The following QTMAN variants were observed in gnomAD, a reference collection of about 807,000 sequenced individuals.
The protein encoded by QTMAN is queuosine-tRNA mannosyltransferase.
the QTMAN span, chr2:143,951,863 A>G: frequency 1.7e-6 from 1 of 599,602 alleles, no homozygotes; most frequent in Admixed American, 3.0e-5. Flanking sequence ...AACAACTAAT[A>G]TCCCTCCCTA....
At chr2:144,100,947 G>A in the QTMAN span, among the ~76,000 whole-genome samples, 2 of 130,906 alleles carry the variant, frequency 1.5e-5, no homozygotes, top group African/African-American at 3.0e-5. Context: ...TCAGCTCACT[G>A]CAAGCTCCGC....
the QTMAN span, among the ~76,000 whole-genome samples, chr2:143,973,421 A>G: frequency 6.6e-6 from 1 of 152,216 alleles, no homozygotes; most frequent in Non-Finnish European, 1.5e-5. Context: ...TAAATATACA[A>G]GTTTATTTCA....
At chr2:144,141,779 T>C in the QTMAN span, 1 of 806,054 alleles carries the variant, frequency 1.2e-6, no homozygotes, top group Admixed American at 2.3e-5. Context: ...TAACTAACCA[T>C]ACTTATGCTA....
At chr2:144,104,175 C>A in the QTMAN span, among the ~76,000 whole-genome samples, 1 of 152,082 alleles carries the variant, frequency 6.6e-6, no homozygotes, top group African/African-American at 2.4e-5. Context: ...CAGCTCCCAG[C>A]GTGAGCAATG....
the QTMAN span, among the ~76,000 whole-genome samples, chr2:144,266,264 T>C: frequency 6.6e-6 from 1 of 152,134 alleles, no homozygotes; most frequent in African/African-American, 2.4e-5. Flanking sequence ...AGTAGCAAAA[T>C]GAAGAAATAG....
chr2:144,297,646 T>C, the QTMAN span, among the ~76,000 whole-genome samples: 3 of 145,642 alleles, frequency 2.1e-5, no homozygotes, highest in South Asian at 4.6e-4. Flanking sequence ...AGTGGCGCAA[T>C]CTTGGCTCAC....
the QTMAN span, among the ~76,000 whole-genome samples, chr2:144,063,759 C>A: frequency 6.6e-6 from 1 of 152,132 alleles, no homozygotes; most frequent in Admixed American, 6.5e-5. Context: ...CACTCCCTAA[C>A]AACAAAATTC....
the QTMAN span, among the ~76,000 whole-genome samples, chr2:144,198,120 G>T: frequency 1.2e-4 from 19 of 152,166 alleles, no homozygotes; most frequent in East Asian, 3.3e-3. Flanking sequence ...TAGCTAGTAC[G>T]GGAGGCTGAG....
the QTMAN span, among the ~76,000 whole-genome samples, chr2:144,196,576 A>G: frequency 6.6e-6 from 1 of 152,192 alleles, no homozygotes; most frequent in Admixed American, 6.6e-5. Context: ...TGCTGACTCA[A>G]GTGAACATTG....
the QTMAN span, among the ~76,000 whole-genome samples, chr2:144,064,982 C>G: frequency 6.6e-6 from 1 of 152,130 alleles, no homozygotes. Context: ...AGGGCCAACA[C>G]ATGAAATGAC....
the QTMAN span, among the ~76,000 whole-genome samples, chr2:144,135,331 A>G: frequency 6.6e-6 from 1 of 152,160 alleles, no homozygotes; most frequent in Non-Finnish European, 1.5e-5. Flanking sequence ...GCACTGCCCT[A>G]TAAGACATGT....
chr2:144,240,266 G>A, the QTMAN span, among the ~76,000 whole-genome samples: 1 of 152,070 alleles, frequency 6.6e-6, no homozygotes, highest in South Asian at 2.1e-4. Context: ...ATTTGCATAG[G>A]GATTTATAAT....
the QTMAN span, among the ~76,000 whole-genome samples, chr2:144,224,962 A>AT: frequency 6.6e-6 from 1 of 152,214 alleles, no homozygotes; most frequent in African/African-American, 2.4e-5. Context: ...AAGTTATACG[A>AT]ATAGTTCAAG....
chr2:144,005,225 T>C, the QTMAN span, among the ~76,000 whole-genome samples: 1 of 152,092 alleles, frequency 6.6e-6, no homozygotes, highest in East Asian at 1.9e-4. Context: ...GATATATCTA[T>C]ATGAGCATAA....
At chr2:143,958,554 A>C in the QTMAN span, among the ~76,000 whole-genome samples, 2 of 152,192 alleles carry the variant, frequency 1.3e-5, no homozygotes, top group African/African-American at 4.8e-5. Flanking sequence ...CTATAGTGTA[A>C]AAGCAGCAAT....
chr2:144,170,415 T>C, the QTMAN span, among the ~76,000 whole-genome samples: 3 of 152,122 alleles, frequency 2.0e-5, no homozygotes, highest in Non-Finnish European at 4.4e-5. Context: ...CCCCTTGGTC[T>C]CCAAGGCCCA....
At chr2:143,958,624 G>A in the QTMAN span, among the ~76,000 whole-genome samples, 1 of 152,010 alleles carries the variant, frequency 6.6e-6, no homozygotes, top group Non-Finnish European at 1.5e-5. Context: ...AGAACCTAAA[G>A]AGTACTGTCA....
At chr2:144,175,785 C>T in the QTMAN span, among the ~76,000 whole-genome samples, 2 of 152,160 alleles carry the variant, frequency 1.3e-5, no homozygotes, top group Admixed American at 6.5e-5. Context: ...CTGCCTCAGC[C>T]TCCCAAGTAG....
At chr2:144,163,260 C>A in the QTMAN span, among the ~76,000 whole-genome samples, 1 of 151,632 alleles carries the variant, frequency 6.6e-6, no homozygotes, top group Non-Finnish European at 1.5e-5. Flanking sequence ...CTCCAAAGTT[C>A]TATTATACAA....
Sources: gnomAD v4.1 joint callset for allele counts (sites outside exome capture counted in the v4.1 genomes callset) on GRCh38, gnomAD v4.1.1 for gene constraint, MANE v1.5 for transcripts, NCBI Gene and HGNC (gene_info 2026-07-23, HGNC 2026-07-21) for gene names.